FBF1: variants seen among roughly 807,000 people sequenced by gnomAD.
FBF1 encodes Fas binding factor 1.
A neutral mutation model predicts 147.2 loss-of-function variants in FBF1; 119 were observed. The ratio of observed to expected loss-of-function variants is 0.81; its 90% CI spans 0.70 to 0.94. The LOEUF (loss-of-function observed/expected upper bound fraction) is 0.94. FBF1 is among the 40% of genes least tolerant of loss of function. FBF1 has a pLI of 0.00. For synonymous variants in FBF1, 601 were observed against 609.0 expected (o/e 0.99, Z 0.19); for missense variants, 1,449 against 1,500.8 (o/e 0.97, Z 0.57).
In FBF1 at chr17:75,926,090, G is replaced by A. The variant is rs760201277; in HGVS notation, c.808C>T (p.Arg270Cys). 9.9e-6 allele frequency: 16 copies of A among 1,612,364 alleles called. No individual in the cohort carries two copies. The highest frequency in any genetic ancestry group is 2.2e-5 in the East Asian group (1 of 44,870). ...GRGMATKLLA[R>C]PGTGEHREFK... ...TCCCTGTGCTCCCCGGTGCCCGGGC[G>A]GGCCAGGAGTTTGGTGGCCATGCCT... Residue 270 changes from arginine to cysteine, a missense_variant, in exon 12 of 30, where the codon CGC (arginine) becomes TGC (cysteine). Transcript: ENST00000636174.
At chr17:75,935,495 G>A (rs982942062) in intron 4 of FBF1, 137 bp downstream of exon 4, 31 of 857,536 alleles carry the variant, frequency 3.6e-5, no homozygotes, top group Admixed American at 1.2e-4. Flanking sequence ...GCTTATGCCT[G>A]TAATCCCAGC....
chr17:75,909,605 G>A lies in FBF1; in HGVS notation c.*1118C>T, dbSNP rs1319915807. The A allele has an allele frequency of 1.2e-5, 6 of 507,392 alleles. No individual in the cohort carries two copies. The highest frequency in any genetic ancestry group is 8.9e-5 in the East Asian group (3 of 33,600). The allele number at this position is 507,392 out of a possible 1,614,324, so 31.4% of individuals were successfully genotyped here. On this transcript the variant is annotated 3_prime_UTR_variant, in exon 30 of 30. Transcript: ENST00000636174. Reference sequence around the variant, plus strand: ...TTCAGGCAGGTTATTTAATCTCCCCGGGCCTCAGTTTCTGCATGTTTGAAG... The same window carrying A: ...TTCAGGCAGGTTATTTAATCTCCCCAGGCCTCAGTTTCTGCATGTTTGAAG...
At position 75,917,741 on chromosome 17, in the gene FBF1, CA is replaced by C. The variant is rs2065497292; in HGVS notation, c.2495del (p.Leu832ArgfsTer9). On this transcript the variant is annotated frameshift_variant, in exon 23 of 30. Transcript: ENST00000636174. LOFTEE classifies it high-confidence loss of function. ...MEARLNEQSR[L>X]LEQERWRVTA... ...GGAGGACGGGCCTCACCTGCTCCAG[CA>C]GCCGGCTCTGCTCATTCAGCCGTGC... 6.3e-7 allele frequency: 1 copy of C among 1,593,156 alleles called. No individual in the cohort carries two copies. The highest frequency in any genetic ancestry group is 8.5e-7 in the Non-Finnish European group (1 of 1,171,874).
At chr17:75,932,179 G>A (rs2065598553) in intron 5 of FBF1, among the ~76,000 whole-genome samples, 2 of 151,814 alleles carry the variant, frequency 1.3e-5, no homozygotes, top group Non-Finnish European at 2.9e-5. Context: ...TCAGGAGTTC[G>A]AGACCAGCCT....
rs368918812 is a variant in FBF1 at position 75,910,389 on chromosome 17, G to C, written c.*334C>G. On this transcript the variant is annotated 3_prime_UTR_variant, in exon 30 of 30. Transcript: ENST00000636174. This position sits in a 1 kb window ranked among gnomAD's most constrained non-coding sequence, Gnocchi z 4.1. The stretch of plus-strand genomic sequence containing the variant: ...CACAACAGTCTACCTGTGGAGCAGG[G>C]GGAGCCCACAGAGCCCAGGGGGAGC... The C allele has an allele frequency of 1.1e-4, 39 of 360,890 alleles. No homozygotes were observed. Among genetic ancestry groups the C allele is most frequent in the African/African-American group, 7.8e-4 (38 of 48,494 alleles). 22.4% of individuals were successfully genotyped at this position (360,890 alleles called of 1,614,324 possible).
At position 75,917,858 on chromosome 17, in the gene FBF1, C is replaced by T. The variant is rs368524688; in HGVS notation, c.2387-8G>A. ...CCAGCCGCTCCTGCAGTGCTGGGGG[C>T]AACCCACAGGGTGCTCAGCAGCTGC... On this transcript the variant is annotated splice_polypyrimidine_tract_variant and splice_region_variant and intron_variant, in intron 22 of 29. Coordinates refer to ENST00000636174, the MANE Select transcript of FBF1 (RefSeq NM_001319193.2). 6.9e-6 allele frequency: 11 copies of T among 1,595,350 alleles called. No homozygotes were observed. In the African/African-American group the frequency reaches 1.2e-4, roughly 18 times the overall value.
In FBF1 at chr17:75,921,322, G is replaced by A. The variant is rs1245703785; in HGVS notation, c.1616-20C>T. 42 of 1,580,578 alleles carry A rather than the reference G, an allele frequency of 2.7e-5. No homozygotes were observed. The highest frequency in any genetic ancestry group is 3.5e-5 in the Non-Finnish European group (41 of 1,163,112). On this transcript the variant is annotated intron_variant, in intron 16 of 29. Transcript: ENST00000636174. ...CAGGCTCTGAAACATCAACAACAGA[G>A]AAATGAACAGGAGGCCCAGGGCACT...
intron 4 of FBF1, among the ~76,000 whole-genome samples, chr17:75,935,316 C>A (rs2065617733): frequency 6.6e-6 from 1 of 152,120 alleles, no homozygotes; most frequent in Non-Finnish European, 1.5e-5. Flanking sequence ...AGGCGCCCGC[C>A]ACTATGCCCA....
chr17:75,932,364 G>A (rs916862261), intron 5 of FBF1, among the ~76,000 whole-genome samples: 5 of 151,788 alleles, frequency 3.3e-5, no homozygotes, highest in Non-Finnish European at 7.4e-5. Context: ...GACAGAGTGA[G>A]ACTCCATCTC....
rs373518919 is a variant in FBF1 at position 75,918,249 on chromosome 17, C to T, written c.2159G>A (p.Arg720His). Reference sequence around the variant, plus strand: ...CTGCAGCTGCTCCTCGTGGTCTCTGCGCATGTCTAGGATGGACGCCCTGAG... The same window carrying T: ...CTGCAGCTGCTCCTCGTGGTCTCTGTGCATGTCTAGGATGGACGCCCTGAG... ...ELQRASILDM[R>H]RDHEEQLQRL... The change falls in exon 21 of 30, where the codon CGC (arginine) becomes CAC (histidine). Residue 720 changes from arginine (R) to histidine (H), a missense_variant. Arg to His is a conservative substitution (Grantham distance 29). Coordinates refer to ENST00000636174, the MANE Select transcript of FBF1 (RefSeq NM_001319193.2). This position sits in a 1 kb window ranked among gnomAD's most constrained non-coding sequence, Gnocchi z 5.8. 8.1e-6 allele frequency: 13 copies of T among 1,613,110 alleles called. No individual in the cohort carries two copies. Among genetic ancestry groups the T allele is most frequent in the South Asian group, 2.2e-5 (2 of 91,044 alleles).
At position 75,918,526 on chromosome 17, in the gene FBF1, C is replaced by T. The variant is rs559662263; in HGVS notation, c.2139-257G>A. Among the ~76,000 whole-genome samples, 2 of 152,172 alleles carry T rather than the reference C, an allele frequency of 1.3e-5. No individual in the cohort carries two copies. Among genetic ancestry groups the T allele is most frequent in the East Asian group, 1.9e-4 (1 of 5,196 alleles). Reference sequence around the variant, plus strand: ...AGTTTTGCTCTGTCACCCAGAGTCTCTCACTCTGTCGCCCAGGCTGGAGTT... The same window carrying T: ...AGTTTTGCTCTGTCACCCAGAGTCTTTCACTCTGTCGCCCAGGCTGGAGTT... On this transcript the variant is annotated intron_variant, in intron 20 of 29. Coordinates refer to ENST00000636174, the MANE Select transcript of FBF1 (RefSeq NM_001319193.2). This position sits in a 1 kb window ranked among gnomAD's most constrained non-coding sequence, Gnocchi z 5.8.
In FBF1 at chr17:75,919,585, A is replaced by G. The variant is rs2065510493; in HGVS notation, c.2138+83T>C. Reference sequence around the variant, plus strand: ...ACCCCTGTCCAAAGGCTGCTGAGCCACAGCGAAGGGTCTCGTGGGGATGGC... The same window carrying G: ...ACCCCTGTCCAAAGGCTGCTGAGCCGCAGCGAAGGGTCTCGTGGGGATGGC... On this transcript the variant is annotated intron_variant, in intron 20 of 29. Transcript: ENST00000636174. This position sits in a 1 kb window ranked among gnomAD's most constrained non-coding sequence, Gnocchi z 5.0. The G allele has an allele frequency of 6.8e-7, 1 of 1,465,262 alleles. No homozygotes were observed. The highest frequency in any genetic ancestry group is 9.2e-7 in the Non-Finnish European group (1 of 1,087,574). 90.8% of individuals were successfully genotyped at this position (1,465,262 alleles called of 1,614,324 possible).
At chr17:75,937,654 G>A (rs903189970) in intron 2 of FBF1, 61 bp from the exon 3 acceptor site, 72 of 1,587,818 alleles carry the variant, frequency 4.5e-5, no homozygotes, top group East Asian at 1.1e-4. Context: ...GTGGAAATTG[G>A]CAATGCAGAA....
chr17:75,913,001 C>T (rs1028784594), intron 28 of FBF1, among the ~76,000 whole-genome samples: 7 of 151,936 alleles, frequency 4.6e-5, no homozygotes, highest in Admixed American at 3.9e-4. Flanking sequence ...GATCATGCCA[C>T]TGCACTCCAG....
At chr17:75,914,411 C>T in intron 25 of FBF1, 113 bp from the exon 26 acceptor site, 2 of 1,421,776 alleles carry the variant, frequency 1.4e-6, no homozygotes, top group Non-Finnish European at 1.9e-6. Flanking sequence ...GTGGTGGAGC[C>T]AGGGGCTTCC....
At chr17:75,912,633 T>C (rs979746371) in intron 28 of FBF1, among the ~76,000 whole-genome samples, 1 of 152,214 alleles carries the variant, frequency 6.6e-6, no homozygotes, top group African/African-American at 2.4e-5. Context: ...CTGTGCTGAT[T>C]GGGAATTGAC....
At chr17:75,914,332 C>A (rs746758888) in intron 25 of FBF1, 34 bp from the exon 26 acceptor site, 1 of 1,568,198 alleles carries the variant, frequency 6.4e-7, no homozygotes, top group Admixed American at 1.8e-5. Context: ...GCATTCTCCT[C>A]CCAGGAATTG....
chr17:75,914,627 C>T (rs1414622441), intron 25 of FBF1, 120 bp downstream of exon 25: 5 of 1,064,646 alleles, frequency 4.7e-6, no homozygotes, highest in Middle Eastern at 3.1e-4. Context: ...TGTTTTAATC[C>T]CTATGCTCTT....
intron 5 of FBF1, among the ~76,000 whole-genome samples, chr17:75,932,378 A>G (rs1221790049): frequency 1.3e-5 from 2 of 152,084 alleles, no homozygotes; most frequent in Non-Finnish European, 2.9e-5. Flanking sequence ...CCATCTCAAA[A>G]AAAGAGAGAA....
Sources: allele counts gnomAD v4.1 joint callset (sites outside exome capture counted in the v4.1 genomes callset), GRCh38; gene constraint gnomAD v4.1.1; non-coding constraint Gnocchi (gnomAD v3.1); transcripts MANE v1.5; gene names NCBI Gene and HGNC (gene_info 2026-07-23, HGNC 2026-07-21).